Variants in BRINP2 observed in about 807,000 individuals in gnomAD.
BRINP2 encodes BMP/retinoic acid inducible neural specific 2.
A neutral mutation model predicts 69.2 loss-of-function variants in BRINP2; 21 were observed. The observed-to-expected ratio is 0.30, with a 90% CI of 0.22 to 0.44. The LOEUF (loss-of-function observed/expected upper bound fraction) is 0.44, where lower values mean the gene tolerates loss of function less well. BRINP2 is among the 20% of genes least tolerant of loss of function. The probability of loss-of-function intolerance (pLI) is 1.00; values close to 1 mark genes in which losing one functional copy is unlikely to be tolerated. For missense variants in BRINP2, 877 were observed against 986.0 expected (o/e 0.89, Z 1.48); for synonymous variants, 380 against 394.1 (o/e 0.96, Z 0.42).
intron 1 of BRINP2, among the ~76,000 whole-genome samples, chr1:177,178,288 G>A (rs1462961961): frequency 6.6e-6 from 1 of 152,124 alleles, no homozygotes; most frequent in African/African-American, 2.4e-5. Context: ...TCCTCTTACT[G>A]TAATTCTCCA....
chr1:177,230,274 G>C, intron 2 of BRINP2, 129 bp downstream of exon 2: 1 of 1,006,494 alleles, frequency 9.9e-7, no homozygotes, highest in Non-Finnish European at 1.4e-6. Context: ...GTGAAAGCTG[G>C]AGGAACACCA....
intron 1 of BRINP2, among the ~76,000 whole-genome samples, chr1:177,228,582 G>A (rs1205418465): frequency 2.0e-5 from 3 of 152,180 alleles, no homozygotes; most frequent in Non-Finnish European, 2.9e-5. Context: ...GCCTGTCTCT[G>A]GGCTTTGGCA....
intron 2 of BRINP2, among the ~76,000 whole-genome samples, chr1:177,250,626 C>T (rs114333421): frequency 1.3e-5 from 2 of 152,294 alleles, no homozygotes; most frequent in East Asian, 3.9e-4. Context: ...CGCCCGGCTG[C>T]CACTTGTATG....
At chr1:177,270,043 C>G (rs1336270045) in intron 4 of BRINP2, among the ~76,000 whole-genome samples, 1 of 138,046 alleles carries the variant, frequency 7.2e-6, no homozygotes, top group Non-Finnish European at 1.5e-5. Context: ...GAACAACCCT[C>G]CAGAGATGCT....
intron 4 of BRINP2, among the ~76,000 whole-genome samples, chr1:177,266,758 TAAAAAAA>T (rs1223096305): frequency 5.1e-5 from 3 of 59,342 alleles, no homozygotes; most frequent in Non-Finnish European, 1.0e-4. Flanking sequence ...AGACTCACTC[TAAAAAAA>T]AAAAAAAAAA....
At chr1:177,181,043 T>C (rs1648231147) in intron 1 of BRINP2, among the ~76,000 whole-genome samples, 1 of 152,182 alleles carries the variant, frequency 6.6e-6, no homozygotes, top group African/African-American at 2.4e-5. Context: ...AACAACTCTC[T>C]ATGAAGTAGA....
At chr1:177,190,368 C>G (rs574276066) in intron 1 of BRINP2, among the ~76,000 whole-genome samples, 1 of 152,328 alleles carries the variant, frequency 6.6e-6, no homozygotes, top group Non-Finnish European at 1.5e-5. Context: ...TCCCCTAGAG[C>G]AGTCCCTATC....
intron 3 of BRINP2, 105 bp from the exon 4 acceptor site, chr1:177,257,071 A>C: frequency 1.3e-6 from 2 of 1,566,606 alleles, no homozygotes; most frequent in Non-Finnish European, 8.7e-7. Flanking sequence ...CAGGGGCTGC[A>C]CTCTCTCTCA....
At chr1:177,262,691 T>C (rs1353183254) in intron 4 of BRINP2, among the ~76,000 whole-genome samples, 3 of 152,236 alleles carry the variant, frequency 2.0e-5, no homozygotes, top group Non-Finnish European at 4.4e-5. Flanking sequence ...CATGGTGAGA[T>C]AGTGCTGTTG....
At position 177,281,055 on chromosome 1, in the gene BRINP2, T is replaced by G; in HGVS notation, c.1879T>G (p.Trp627Gly). ...NVDAAAQCQN[W>G]TITLGNRWKT... ...GGATGCAGCTGCCCAGTGCCAAAAC[T>G]GGACTATCACCTTGGGGAATAGGTG... Residue 627 changes from tryptophan to glycine, a missense_variant, in exon 8 of 8, where the codon TGG becomes GGG. Physicochemically the swap from Trp to Gly is radical, Grantham distance 184. Transcript: ENST00000361539. The G allele has an allele frequency of 6.2e-7, 1 of 1,614,180 alleles. No individual in the cohort carries two copies. The highest frequency in any genetic ancestry group is 8.5e-7 in the Non-Finnish European group (1 of 1,180,028).
chr1:177,187,584 A>T (rs1571886613), intron 1 of BRINP2, among the ~76,000 whole-genome samples: 1 of 152,174 alleles, frequency 6.6e-6, no homozygotes, highest in South Asian at 2.1e-4. Flanking sequence ...AGCCTGGAGG[A>T]TCAGCTTGCA....
At chr1:177,190,428 T>G (rs1648553222) in intron 1 of BRINP2, among the ~76,000 whole-genome samples, 1 of 152,198 alleles carries the variant, frequency 6.6e-6, no homozygotes, top group Admixed American at 6.5e-5. Flanking sequence ...CTCTTTCTGC[T>G]TATGTCGCAC....
chr1:177,198,162 G>A (rs906625943), intron 1 of BRINP2, among the ~76,000 whole-genome samples: 2 of 152,102 alleles, frequency 1.3e-5, no homozygotes, highest in East Asian at 1.9e-4. Context: ...GATGCATTGG[G>A]ATTAAAAAGC....
At chr1:177,187,417 A>T (rs1246644207) in intron 1 of BRINP2, among the ~76,000 whole-genome samples, 1 of 152,200 alleles carries the variant, frequency 6.6e-6, no homozygotes, top group African/African-American at 2.4e-5. Context: ...ATGATGAAGA[A>T]GAGCACAAGT....
chr1:177,182,099 G>C (rs1301901611), intron 1 of BRINP2, among the ~76,000 whole-genome samples: 2 of 151,336 alleles, frequency 1.3e-5, no homozygotes, highest in African/African-American at 2.4e-5. Context: ...GATTAGTCCT[G>C]GTGCCGTCCC....
intron 1 of BRINP2, among the ~76,000 whole-genome samples, chr1:177,195,131 G>C (rs912976466): frequency 1.3e-5 from 2 of 152,000 alleles, no homozygotes; most frequent in Non-Finnish European, 2.9e-5. Context: ...TCACTGTCCT[G>C]TTTCTTATTC....
chr1:177,276,157 C>T (rs553236787), intron 5 of BRINP2, 41 bp from the exon 6 acceptor site: 2 of 1,570,418 alleles, frequency 1.3e-6, no homozygotes, highest in Non-Finnish European at 1.7e-6. Flanking sequence ...TGAGTCCTCA[C>T]TGGTTCTTCC....
At chr1:177,196,656 A>G (rs1648757540) in intron 1 of BRINP2, among the ~76,000 whole-genome samples, 1 of 151,986 alleles carries the variant, frequency 6.6e-6, no homozygotes, top group Non-Finnish European at 1.5e-5. Flanking sequence ...GCAAATTCTT[A>G]GTTCCCACCT....
intron 2 of BRINP2, among the ~76,000 whole-genome samples, chr1:177,235,616 G>A (rs559199690): frequency 2.6e-5 from 4 of 152,130 alleles, no homozygotes; most frequent in East Asian, 1.9e-4. Context: ...TTTATCATCC[G>A]GACCACGTCT....
Sources: allele counts gnomAD v4.1 joint callset (sites outside exome capture counted in the v4.1 genomes callset), GRCh38; gene constraint gnomAD v4.1.1; transcripts MANE v1.5; gene names NCBI Gene and HGNC (gene_info 2026-07-23, HGNC 2026-07-21).